TOX3: variants seen among roughly 807,000 people sequenced by gnomAD.
TOX3 encodes TOX high mobility group box family member 3, also known as CAG trinucleotide repeat-containing gene F9 protein.
TOX3 carries 22 observed loss-of-function variants against 64.3 expected under a neutral mutation model. That is an observed-to-expected ratio of 0.34 (90% CI 0.24 to 0.49). The LOEUF is 0.49. Among genes scored for constraint, TOX3 ranks in the 20% least tolerant of loss-of-function variants. The pLI is 0.99. For synonymous variants in TOX3, 291 were observed against 273.6 expected, an observed-to-expected ratio of 1.06 and a Z score of -0.63; for missense variants, 661 against 714.4, an observed-to-expected ratio of 0.93 and a Z score of 0.85.
At chr16:52,538,963 ATTTTTCTTT>A (rs2151489765) in intron 1 of TOX3, among the ~76,000 whole-genome samples, 1 of 152,026 alleles carries the variant, frequency 6.6e-6, no homozygotes, top group African/African-American at 2.4e-5. Flanking sequence ...TTTAAACAGG[ATTTTTCTTT>A]TTTTTTTAGA....
chr16:52,498,416 G>T (rs1005443012), intron 1 of TOX3, among the ~76,000 whole-genome samples: 7 of 152,146 alleles, frequency 4.6e-5, no homozygotes, highest in Non-Finnish European at 8.8e-5. Context: ...CTCACTTTTA[G>T]CCCAAATATG....
chr16:52,467,776 A>G (rs899802902), intron 2 of TOX3, among the ~76,000 whole-genome samples: 2 of 152,180 alleles, frequency 1.3e-5, no homozygotes, highest in Non-Finnish European at 2.9e-5. Flanking sequence ...CCCAAAATCA[A>G]TAATAGGAAA....
At chr16:52,450,157 A>G (rs2151745695) in intron 4 of TOX3, 120 bp downstream of exon 4, 1 of 1,206,432 alleles carries the variant, frequency 8.3e-7, no homozygotes. Flanking sequence ...ACCATCATAC[A>G]TTTAAATGCT....
At chr16:52,541,881 T>C (rs1268505250) in intron 1 of TOX3, among the ~76,000 whole-genome samples, 1 of 152,138 alleles carries the variant, frequency 6.6e-6, no homozygotes, top group Non-Finnish European at 1.5e-5. Flanking sequence ...ACCACACACT[T>C]AGAACTGCAA....
intron 5 of TOX3, 178 bp from the exon 6 acceptor site, chr16:52,444,534 C>CACACAT: frequency 4.6e-6 from 2 of 436,118 alleles, no homozygotes; most frequent in Non-Finnish European, 8.1e-6. Context: ...CACACACACA[C>CACACAT]GGATATTAAA....
intron 3 of TOX3, among the ~76,000 whole-genome samples, chr16:52,453,128 T>C (rs981505599): frequency 7.9e-5 from 12 of 152,062 alleles, no homozygotes; most frequent in Admixed American, 5.2e-4. Flanking sequence ...CCCACACTAC[T>C]GGTAATTACG....
intron 1 of TOX3, among the ~76,000 whole-genome samples, chr16:52,491,887 T>G (rs996807139): frequency 2.6e-5 from 4 of 152,090 alleles, no homozygotes; most frequent in Non-Finnish European, 5.9e-5. Flanking sequence ...TCCGTTCTAA[T>G]TTTTCTGATG....
intron 1 of TOX3, among the ~76,000 whole-genome samples, chr16:52,509,891 C>T (rs1020132070): frequency 6.6e-6 from 1 of 152,222 alleles, no homozygotes; most frequent in African/African-American, 2.4e-5. Context: ...AAGTCTAAGA[C>T]CGAGAGCAGT....
At chr16:52,544,135 GA>G (rs912088007) in intron 1 of TOX3, among the ~76,000 whole-genome samples, 73 of 152,258 alleles carry the variant, frequency 4.8e-4, no homozygotes, top group Admixed American at 5.9e-4. Context: ...TAAGTCTTTA[GA>G]GATTAATTAA....
intron 3 of TOX3, among the ~76,000 whole-genome samples, chr16:52,461,277 T>A (rs1960678560): frequency 6.6e-6 from 1 of 152,148 alleles, no homozygotes; most frequent in Non-Finnish European, 1.5e-5. Context: ...AAAATACACG[T>A]ATTCACGACA....
chr16:52,457,028 A>C (rs1273191588), intron 3 of TOX3, among the ~76,000 whole-genome samples: 1 of 152,232 alleles, frequency 6.6e-6, no homozygotes, highest in East Asian at 1.9e-4. Flanking sequence ...TCATATGAAG[A>C]TATGTCTTAG....
At chr16:52,441,084 T>C (rs1959969372) in intron 6 of TOX3, among the ~76,000 whole-genome samples, 2 of 152,142 alleles carry the variant, frequency 1.3e-5, no homozygotes, top group African/African-American at 4.8e-5. Context: ...ATTTTTCTTG[T>C]GCAGAGGTTG....
intron 3 of TOX3, among the ~76,000 whole-genome samples, chr16:52,454,410 T>C (rs1007591071): frequency 6.6e-6 from 1 of 152,176 alleles, no homozygotes; most frequent in Non-Finnish European, 1.5e-5. Flanking sequence ...AGACTATTTT[T>C]AAAGTAACCT....
intron 1 of TOX3, among the ~76,000 whole-genome samples, chr16:52,541,320 T>A (rs1021242530): frequency 6.6e-6 from 1 of 152,216 alleles, no homozygotes; most frequent in African/African-American, 2.4e-5. Flanking sequence ...GGTTTGAGCA[T>A]CATTTGTTGC....
chr16:52,511,111 C>T (rs937262887), intron 1 of TOX3, among the ~76,000 whole-genome samples: 22 of 152,104 alleles, frequency 1.4e-4, no homozygotes, highest in African/African-American at 5.3e-4. Context: ...ATGCTGTGAC[C>T]ATCTGAGCAT....
chr16:52,442,907 T>G (rs1378738796), intron 6 of TOX3, among the ~76,000 whole-genome samples: 2 of 152,202 alleles, frequency 1.3e-5, no homozygotes, highest in African/African-American at 4.8e-5. Flanking sequence ...TTCTGAATCC[T>G]GATTCTAGTA....
At chr16:52,458,654 G>A (rs985434469) in intron 3 of TOX3, among the ~76,000 whole-genome samples, 10 of 152,190 alleles carry the variant, frequency 6.6e-5, no homozygotes, top group Non-Finnish European at 8.8e-5. Context: ...ATTAGGTTTA[G>A]TAGAAGTTTG....
chr16:52,516,929 C>A (rs9939775), intron 1 of TOX3, among the ~76,000 whole-genome samples: 16 of 152,224 alleles, frequency 1.1e-4, no homozygotes, highest in African/African-American at 3.1e-4. Flanking sequence ...ACCAAAAAAA[C>A]CAAAACTCTG....
intron 1 of TOX3, among the ~76,000 whole-genome samples, chr16:52,518,427 A>G (rs1425377408): frequency 6.6e-6 from 1 of 152,218 alleles, no homozygotes; most frequent in African/African-American, 2.4e-5. Context: ...TAGTTATTGA[A>G]TGGCCTATTC....
Sources: allele counts gnomAD v4.1 joint callset (sites outside exome capture counted in the v4.1 genomes callset), GRCh38; gene constraint gnomAD v4.1.1; transcripts MANE v1.5; gene names NCBI Gene and HGNC (gene_info 2026-07-23, HGNC 2026-07-21).